The following ABCB7 variants were observed in gnomAD, a reference collection of about 807,000 sequenced individuals.
The protein encoded by ABCB7 is iron-sulfur clusters transporter ABCB7, mitochondrial.
In ABCB7, 7 loss-of-function variants were observed where a neutral mutation model predicts 54.4. The observed-to-expected ratio is 0.13, with a 90% CI of 0.07 to 0.24. The LOEUF (loss-of-function observed/expected upper bound fraction) is 0.24. Among genes scored for constraint, ABCB7 ranks in the 10% least tolerant of loss-of-function variants. The pLI is 1.00. For synonymous variants in ABCB7, 218 were observed against 207.1 expected, an observed-to-expected ratio of 1.05 and a Z score of -0.45; for missense variants, 356 against 570.4, an observed-to-expected ratio of 0.62 and a Z score of 3.83.
rs1241407610 is a variant in ABCB7 at position 75,060,341 on chromosome X, G to C, written c.1936-11C>G. ...GGCACCAAGAATAGTCTGCAAGTTTGGTAATATGAAGAACAGGAGAAAATA... is the reference window on the plus strand; with the variant it reads ...GGCACCAAGAATAGTCTGCAAGTTTCGTAATATGAAGAACAGGAGAAAATA... On this transcript the variant is annotated splice_polypyrimidine_tract_variant and intron_variant, in intron 14 of 15. Coordinates refer to ENST00000373394, the MANE Select transcript of ABCB7 (RefSeq NM_001271696.3). 1 of 1,139,615 alleles carries C rather than the reference G, an allele frequency of 8.8e-7. No individual in the cohort carries two copies. The highest frequency in any genetic ancestry group is 1.8e-5 in the African/African-American group (1 of 55,776). 93.9% of individuals were successfully genotyped at this position (1,139,615 alleles called of 1,213,427 possible).
chrX:75,061,306 G>T (rs1227139239), intron 14 of ABCB7, among the ~76,000 whole-genome samples: 1 of 111,502 alleles, frequency 9.0e-6, no homozygotes, highest in Non-Finnish European at 1.9e-5. Flanking sequence ...GCTCTTAATG[G>T]GTTATGCTCT....
rs767844347 is a variant in ABCB7 at position 75,076,658 on chromosome X, A to G, written c.454-4T>C. The G allele has an allele frequency of 1.7e-6, 2 of 1,203,018 alleles. No homozygotes were observed. Among genetic ancestry groups the G allele is most frequent in the Admixed American group, 2.2e-5 (1 of 45,913 alleles). The stretch of plus-strand genomic sequence containing the variant: ...AGGGAACCACAATATTCATGGCCTA[A>G]AAACATAAAAACATCAATTACCCAT... On this transcript the variant is annotated splice_polypyrimidine_tract_variant and splice_region_variant and intron_variant, in intron 4 of 15. Transcript: ENST00000373394.
chrX:75,058,108 C>T (rs1602327948), intron 15 of ABCB7, among the ~76,000 whole-genome samples: 1 of 111,657 alleles, frequency 9.0e-6, no homozygotes, highest in Admixed American at 9.5e-5. Context: ...TAGTCTTACA[C>T]TTAATTCTGT....
In ABCB7 at chrX:75,053,600, CAT is replaced by C. The variant is rs1569213178; in HGVS notation, c.2044-17_2044-16del. The C allele has an allele frequency of 8.5e-7, 1 of 1,171,741 alleles. No homozygotes were observed. Among genetic ancestry groups the C allele is most frequent in the African/African-American group, 1.8e-5 (1 of 56,648 alleles). ...GCTACCTTACCCTAAAAAGTAAACA[CAT>C]GAGAAACACGGAGAAAGGTCATTTA... On this transcript the variant is annotated splice_polypyrimidine_tract_variant and intron_variant, in intron 15 of 15. Coordinates refer to ENST00000373394, the MANE Select transcript of ABCB7 (RefSeq NM_001271696.3).
intron 1 of ABCB7, among the ~76,000 whole-genome samples, chrX:75,120,395 G>C (rs2081866054): frequency 9.0e-6 from 1 of 110,863 alleles, no homozygotes; most frequent in Non-Finnish European, 1.9e-5. Flanking sequence ...TGGATCACTT[G>C]AGGTCAGGAG....
chrX:75,114,122 T>C (rs1037041619), intron 2 of ABCB7, among the ~76,000 whole-genome samples: 3 of 112,247 alleles, frequency 2.7e-5, no homozygotes, highest in Non-Finnish European at 5.6e-5. Context: ...TGTAATTCAT[T>C]TCTACAGCCT....
At chrX:75,062,600 T>C in intron 13 of ABCB7, 169 bp from the exon 14 acceptor site, 1 of 454,464 alleles carries the variant, frequency 2.2e-6, no homozygotes, top group East Asian at 3.8e-5. Flanking sequence ...CAATATCTTT[T>C]GACAAATTAT....
chrX:75,088,653 A>G (rs1317371524), intron 4 of ABCB7, among the ~76,000 whole-genome samples: 1 of 111,336 alleles, frequency 9.0e-6, no homozygotes, highest in Non-Finnish European at 1.9e-5. Context: ...AGAATATGCA[A>G]GAAATATGGG....
At position 75,147,147 on chromosome X, in the gene ABCB7, T is replaced by C. The variant is rs192296495; in HGVS notation, c.168+8958A>G. 7.2e-5 allele frequency among the ~76,000 whole-genome samples: 8 copies of C among 110,531 alleles called. No homozygotes were observed. In the East Asian group the frequency reaches 1.4e-3, roughly 20 times the overall value. On this transcript the variant is annotated intron_variant, in intron 1 of 15. Transcript: ENST00000373394. ...ACCTAACACCAGTCAGAATGGCTAG[T>C]ATTAAAAAGTCAAAAAATAACAGAT...
chrX:75,110,549 C>G (rs1368885319), intron 3 of ABCB7, among the ~76,000 whole-genome samples: 1 of 112,104 alleles, frequency 8.9e-6, no homozygotes, highest in Non-Finnish European at 1.9e-5. Context: ...TTAAAAACTA[C>G]TAGCTTCTGA....
intron 1 of ABCB7, among the ~76,000 whole-genome samples, chrX:75,133,945 T>C (rs751121343): frequency 5.4e-5 from 6 of 111,891 alleles, no homozygotes; most frequent in Non-Finnish European, 9.4e-5. Context: ...AAAAATCAGC[T>C]AACAACACGA....
intron 4 of ABCB7, among the ~76,000 whole-genome samples, chrX:75,091,948 T>A (rs2081547760): frequency 9.0e-6 from 1 of 111,605 alleles, no homozygotes; most frequent in African/African-American, 3.2e-5. Flanking sequence ...GGAGAGATAC[T>A]CCATGTTCAT....
intron 4 of ABCB7, among the ~76,000 whole-genome samples, chrX:75,088,701 G>A (rs1189393548): frequency 1.8e-5 from 2 of 110,363 alleles, no homozygotes; most frequent in African/African-American, 6.6e-5. Context: ...TACATAATGG[G>A]AATACCATAA....
At chrX:75,145,734 C>T (rs937391698) in intron 1 of ABCB7, among the ~76,000 whole-genome samples, 8 of 111,022 alleles carry the variant, frequency 7.2e-5, no homozygotes, top group Non-Finnish European at 1.3e-4. Flanking sequence ...AAGTTCTGGC[C>T]AGGGCAATCA....
At chrX:75,057,259 T>C (rs1469783414) in intron 15 of ABCB7, among the ~76,000 whole-genome samples, 1 of 111,859 alleles carries the variant, frequency 8.9e-6, no homozygotes, top group Non-Finnish European at 1.9e-5. Flanking sequence ...AATAAGCAGA[T>C]ATACATATAT....
intron 1 of ABCB7, among the ~76,000 whole-genome samples, chrX:75,133,991 C>A (rs980210940): frequency 7.2e-5 from 8 of 111,867 alleles, no homozygotes; most frequent in South Asian, 7.4e-4. Flanking sequence ...TTAATATTCA[C>A]CTTAAATGTA....
At position 75,083,267 on chromosome X, in the gene ABCB7, T is replaced by C. The variant is rs144869274; in HGVS notation, c.454-6613A>G. On this transcript the variant is annotated intron_variant, in intron 4 of 15. Coordinates refer to ENST00000373394, the MANE Select transcript of ABCB7 (RefSeq NM_001271696.3). ...CTCTACCCAATACACACCAGTAGCA[T>C]ACCCCACCCCCTCTAGTTGTGACCT... Among the ~76,000 whole-genome samples, 336 of 111,355 alleles carry C rather than the reference T, an allele frequency of 3.0e-3. 1 individual carries two copies. The highest frequency in any genetic ancestry group is 0.01 in the African/African-American group (307 of 30,664).
intron 4 of ABCB7, among the ~76,000 whole-genome samples, chrX:75,088,139 G>A (rs748018445): frequency 8.9e-6 from 1 of 111,943 alleles, no homozygotes; most frequent in Non-Finnish European, 1.9e-5. Flanking sequence ...CGTTTAGCAG[G>A]TTCTAGAGGA....
Position 75,051,506 on chromosome X carries a change from C to CA in ABCB7, c.*1863dup, listed in dbSNP as rs1248651678. On this transcript the variant is annotated 3_prime_UTR_variant, in exon 16 of 16. Coordinates refer to ENST00000373394, the MANE Select transcript of ABCB7 (RefSeq NM_001271696.3). ...TGTTTTCAAATTGAATGATTACTAC[C>CA]AAACAAATGAAAGCAAGTTCATACT... 8.9e-6 allele frequency: 1 copy of CA among 112,098 alleles called. No homozygotes were observed. Among genetic ancestry groups the CA allele is most frequent in the Non-Finnish European group, 1.9e-5 (1 of 53,117 alleles). The allele number at this position is 112,098 out of a possible 1,213,427, so 9.2% of individuals were successfully genotyped here. A position where few individuals can be genotyped will look rare whatever the true frequency, so the allele number is the denominator to read the frequency against.
Sources: gnomAD v4.1 joint callset for allele counts (sites outside exome capture counted in the v4.1 genomes callset) on GRCh38, gnomAD v4.1.1 for gene constraint, MANE v1.5 for transcripts, NCBI Gene and HGNC (gene_info 2026-07-23, HGNC 2026-07-21) for gene names.